Variants in RSRC1 observed in about 807,000 individuals in gnomAD.
RSRC1 encodes arginine and serine rich coiled-coil 1.
In RSRC1, 39 loss-of-function variants were observed where a neutral mutation model predicts 49.1. The ratio of observed to expected loss-of-function variants is 0.79; its 90% CI spans 0.61 to 1.04. RSRC1 has a LOEUF of 1.04. Ranked by LOEUF, RSRC1 falls within the 50% of genes least tolerant of loss-of-function variation. RSRC1 has a pLI of 0.00. For missense variants in RSRC1, 388 were observed against 402.4 expected (o/e 0.96, Z 0.31); for synonymous variants, 143 against 130.8 (o/e 1.09, Z -0.63).
Position 158,366,968 on chromosome 3 carries a change from G to T in RSRC1, c.583+12060G>T, listed in dbSNP as rs534983872. ...CTGTCTGTTACTCATGTATAGGAATGCTTGTTATTTTTGCATATTGATTTT... is the reference window on the plus strand; with the variant it reads ...CTGTCTGTTACTCATGTATAGGAATTCTTGTTATTTTTGCATATTGATTTT... On this transcript the variant is annotated intron_variant, in intron 6 of 9. Coordinates refer to ENST00000611884, the MANE Select transcript of RSRC1 (RefSeq NM_001271838.2). Among the ~76,000 whole-genome samples, 22 of 152,290 alleles carry T rather than the reference G, an allele frequency of 1.4e-4. 4 individuals carry two copies. In the South Asian group the frequency reaches 4.6e-3, roughly 32 times the overall value.
At chr3:158,217,864 T>A (rs1722037122) in intron 4 of RSRC1, among the ~76,000 whole-genome samples, 2 of 151,296 alleles carry the variant, frequency 1.3e-5, no homozygotes, top group Non-Finnish European at 3.0e-5. Flanking sequence ...CAGAATATAA[T>A]GGTGGGGACG....
chr3:158,417,096 C>G (rs772886141), intron 6 of RSRC1, among the ~76,000 whole-genome samples: 34 of 151,998 alleles, frequency 2.2e-4, no homozygotes, highest in Non-Finnish European at 3.7e-4. Context: ...TTGGTCCCCA[C>G]TCTTTTAGGT....
chr3:158,449,534 T>G (rs921452804), intron 6 of RSRC1, among the ~76,000 whole-genome samples: 3 of 151,970 alleles, frequency 2.0e-5, no homozygotes, highest in African/African-American at 7.2e-5. Flanking sequence ...CTTATTCCAC[T>G]GTGGAACCTT....
chr3:158,344,935 T>G (rs2108221197), intron 5 of RSRC1, among the ~76,000 whole-genome samples: 1 of 152,184 alleles, frequency 6.6e-6, no homozygotes, highest in African/African-American at 2.4e-5. Context: ...ATACCCAATC[T>G]AGGCCAGGCA....
At chr3:158,377,797 T>C (rs1291968827) in intron 6 of RSRC1, among the ~76,000 whole-genome samples, 1 of 152,006 alleles carries the variant, frequency 6.6e-6, no homozygotes, top group African/African-American at 2.4e-5. Context: ...GTAGCTGAGA[T>C]TGCAGGTGCC....
At chr3:158,433,465 G>A (rs901587130) in intron 6 of RSRC1, among the ~76,000 whole-genome samples, 1 of 151,946 alleles carries the variant, frequency 6.6e-6, no homozygotes, top group African/African-American at 2.4e-5. Context: ...AAATGCAAAA[G>A]GATATATTTC....
intron 3 of RSRC1, among the ~76,000 whole-genome samples, chr3:158,140,071 C>T (rs1208126094): frequency 2.0e-5 from 3 of 152,044 alleles, no homozygotes; most frequent in East Asian, 1.9e-4. Flanking sequence ...GAAGAAGTTA[C>T]GAAATAACCT....
At chr3:158,303,434 T>C (rs1043140313) in intron 5 of RSRC1, 2 of 152,182 alleles carry the variant, frequency 1.3e-5, no homozygotes, top group Non-Finnish European at 2.9e-5. Context: ...TTGTAGTAAC[T>C]GTACAGGGTG....
intron 3 of RSRC1, chr3:158,132,125 A>G (rs1465256848): frequency 2.2e-6 from 1 of 449,132 alleles, no homozygotes; most frequent in Non-Finnish European, 4.5e-6. Context: ...CTGGGACTAC[A>G]GGTACACACC....
Position 158,348,523 on chromosome 3 carries a change from T to G in RSRC1, c.532-6334T>G, listed in dbSNP as rs185628852. On this transcript the variant is annotated intron_variant, in intron 5 of 9. Transcript: ENST00000611884. ...GAATGGTCATCTCCACAGGCCATTA[T>G]GAGACTGACCTATCATTTGGTTAAT... Among the ~76,000 whole-genome samples the G allele has an allele frequency of 1.1e-3, 161 of 152,320 alleles. 1 individual carries two copies. The highest frequency in any genetic ancestry group is 3.2e-3 in the Admixed American group (49 of 15,298).
chr3:158,383,868 A>G (rs1313636918), intron 6 of RSRC1, among the ~76,000 whole-genome samples: 1 of 152,180 alleles, frequency 6.6e-6, no homozygotes, highest in African/African-American at 2.4e-5. Context: ...ATGACAATTC[A>G]TTCCTCAAAG....
chr3:158,437,218 A>G (rs1248366965), intron 6 of RSRC1, among the ~76,000 whole-genome samples: 1 of 151,940 alleles, frequency 6.6e-6, no homozygotes, highest in African/African-American at 2.4e-5. Context: ...TAAATAAGTA[A>G]TATTTTGCTA....
In RSRC1 at chr3:158,430,786, A is replaced by G. The variant is rs185335942; in HGVS notation, c.584-30149A>G. 1.4e-4 allele frequency among the ~76,000 whole-genome samples: 21 copies of G among 152,108 alleles called. No individual in the cohort carries two copies. In the East Asian group the frequency reaches 3.1e-3, roughly 23 times the overall value. ...TATTACCTACCACAGTACCTGGTAC[A>G]GTATATAGTATGTGCTTAACCAATA... On this transcript the variant is annotated intron_variant, in intron 6 of 9. Transcript: ENST00000611884.
At chr3:158,380,404 G>T (rs970006904) in intron 6 of RSRC1, among the ~76,000 whole-genome samples, 1 of 152,066 alleles carries the variant, frequency 6.6e-6, no homozygotes, top group African/African-American at 2.4e-5. Context: ...AGGCTGTAGT[G>T]TTCTATGACT....
intron 4 of RSRC1, among the ~76,000 whole-genome samples, chr3:158,266,447 A>C (rs1368473359): frequency 1.3e-5 from 2 of 152,164 alleles, no homozygotes; most frequent in African/African-American, 4.8e-5. Flanking sequence ...GTATTCAGAA[A>C]GTATGCTTTG....
At chr3:158,355,713 T>C (rs1032058728) in intron 6 of RSRC1, among the ~76,000 whole-genome samples, 1 of 152,026 alleles carries the variant, frequency 6.6e-6, no homozygotes, top group African/African-American at 2.4e-5. Context: ...ACTTTGAATC[T>C]TAATGTGCTC....
intron 6 of RSRC1, among the ~76,000 whole-genome samples, chr3:158,384,783 A>G (rs1023457087): frequency 3.9e-5 from 6 of 152,138 alleles, no homozygotes; most frequent in African/African-American, 1.2e-4. Flanking sequence ...TTGTCCCTTC[A>G]GTGTCTTCTG....
intron 7 of RSRC1, among the ~76,000 whole-genome samples, chr3:158,521,564 C>T (rs1576605446): frequency 6.6e-6 from 1 of 152,000 alleles, no homozygotes; most frequent in East Asian, 1.9e-4. Context: ...CATATCTTTA[C>T]TCAAAAAAAG....
At chr3:158,134,840 C>T (rs573666701) in intron 3 of RSRC1, among the ~76,000 whole-genome samples, 10 of 152,206 alleles carry the variant, frequency 6.6e-5, no homozygotes, top group South Asian at 2.1e-4. Context: ...GGAGTTGTCA[C>T]GTTAATTGTA....
Sources: gnomAD v4.1 joint callset for allele counts (sites outside exome capture counted in the v4.1 genomes callset) on GRCh38, gnomAD v4.1.1 for gene constraint, MANE v1.5 for transcripts, NCBI Gene and HGNC (gene_info 2026-07-23, HGNC 2026-07-21) for gene names.